TBC1D12: variants seen among roughly 807,000 people sequenced by gnomAD.
The protein encoded by TBC1D12 is TBC1 domain family, member 12.
Under a neutral mutation model 86.7 loss-of-function variants are expected in TBC1D12, and 56 were observed. That is an observed-to-expected ratio of 0.65 (90% CI 0.52 to 0.81). The LOEUF (loss-of-function observed/expected upper bound fraction) is 0.81, where lower values mean the gene tolerates loss of function less well. TBC1D12 is among the 30% of genes least tolerant of loss of function. The pLI is 0.00. For synonymous variants in TBC1D12, 421 were observed against 411.7 expected (o/e 1.02, Z -0.27); for missense variants, 1,023 against 1,038.8 (o/e 0.98, Z 0.21).
At chr10:94,427,678 A>G (rs1236140779) in intron 1 of TBC1D12, among the ~76,000 whole-genome samples, 1 of 151,946 alleles carries the variant, frequency 6.6e-6, no homozygotes, top group East Asian at 1.9e-4. Flanking sequence ...ATAAAAATAC[A>G]AAAATTAGCC....
Position 94,493,309 on chromosome 10 carries a change from A to G in TBC1D12, c.1212-56A>G, listed in dbSNP as rs1192151642. 13 of 1,338,902 alleles carry G rather than the reference A, an allele frequency of 9.7e-6. No individual in the cohort carries two copies. The South Asian group carries it at 1.6e-4, about 17-fold the overall frequency. The allele number at this position is 1,338,902 out of a possible 1,614,324, so 82.9% of individuals were successfully genotyped here. On this transcript the variant is annotated intron_variant, in intron 3 of 12. Transcript: ENST00000225235. ...TGGGTGTAAAAACAAATAAGTTAGT[A>G]AGTTGAAAGTTAATCTTTTAAAAAT...
chr10:94,444,872 C>CA (rs2055435498), intron 2 of TBC1D12, among the ~76,000 whole-genome samples: 2 of 151,220 alleles, frequency 1.3e-5, no homozygotes, highest in Non-Finnish European at 2.9e-5. Context: ...GCTGGGACTA[C>CA]AGGCGCCCGC....
At chr10:94,451,548 CTT>C (rs1341084011) in intron 2 of TBC1D12, among the ~76,000 whole-genome samples, 1 of 152,022 alleles carries the variant, frequency 6.6e-6, no homozygotes, top group Non-Finnish European at 1.5e-5. Flanking sequence ...TGCTGTATCA[CTT>C]TTTACAGTTT....
Position 94,403,535 on chromosome 10 carries a change from GC to G in TBC1D12, c.923del (p.Ala308ValfsTer90). 6.5e-7 allele frequency: 1 copy of G among 1,527,870 alleles called. No homozygotes were observed. Among genetic ancestry groups the G allele is most frequent in the Non-Finnish European group, 8.7e-7 (1 of 1,146,662 alleles). 94.6% of individuals were successfully genotyped at this position (1,527,870 alleles called of 1,614,324 possible). A position where few individuals can be genotyped will look rare whatever the true frequency, so the allele number is the denominator to read the frequency against. On this transcript the variant is annotated frameshift_variant, in exon 1 of 13. Transcript: ENST00000225235. LOFTEE classifies it high-confidence loss of function. ...LPAAEQGPAG[A>X]SARARRSGGF... ...CGCCGCGGAGCAGGGTCCTGCGGGG[GC>G]TTCGGCCCGGGCTCGACGGAGTGGC...
chr10:94,516,902 T>TTTTATTTTGTGTTTTGTG (rs1842007197), intron 9 of TBC1D12, among the ~76,000 whole-genome samples: 1 of 151,928 alleles, frequency 6.6e-6, no homozygotes, highest in Non-Finnish European at 1.5e-5. Flanking sequence ...TTAGGCTAAA[T>TTTTATTTTGTGTTTTGTG]TTTATTTTGT....
chr10:94,465,872 A>ACATACATGTATGTATATACATACATACG (rs2055810429), intron 2 of TBC1D12, among the ~76,000 whole-genome samples: 1 of 151,184 alleles, frequency 6.6e-6, no homozygotes, highest in African/African-American at 2.4e-5. Flanking sequence ...ACATATATAC[A>ACATACATGTATGTATATACATACATACG]CATACATGTA....
intron 4 of TBC1D12, among the ~76,000 whole-genome samples, chr10:94,494,500 C>T (rs1048875944): frequency 3.9e-5 from 6 of 152,004 alleles, no homozygotes; most frequent in African/African-American, 1.2e-4. Flanking sequence ...ATACAGAATT[C>T]GAAATATTTC....
intron 2 of TBC1D12, among the ~76,000 whole-genome samples, chr10:94,455,376 T>C (rs531743581): frequency 6.6e-6 from 1 of 152,158 alleles, no homozygotes; most frequent in Non-Finnish European, 1.5e-5. Context: ...TTGTCTAGTT[T>C]TGGTATTAGA....
In TBC1D12 at chr10:94,474,715, T is replaced by C; in HGVS notation, c.1143T>C (p.Ser381=). 1 of 1,614,138 alleles carries C rather than the reference T, an allele frequency of 6.2e-7. No individual in the cohort carries two copies. The highest frequency in any genetic ancestry group is 8.5e-7 in the Non-Finnish European group (1 of 1,180,018). Residue 381 remains serine (S), a synonymous_variant, in exon 3 of 13, where the codon TCT becomes TCC. Transcript: ENST00000225235. ...TGRTCKPPPQ[S]SRRKNFEFEP... is the part of the protein sequence containing the mutation. ...GGACCTGTAAACCACCACCTCAGTC[T>C]TCAAGACGCAAGAATTTTGAATTTG...
chr10:94,405,574 T>A (rs927483379), intron 1 of TBC1D12, among the ~76,000 whole-genome samples: 2 of 152,058 alleles, frequency 1.3e-5, no homozygotes, highest in Non-Finnish European at 1.5e-5. Context: ...GGCCTTTGGG[T>A]GTTTGTTGGT....
Position 94,403,441 on chromosome 10 carries a change from G to A in TBC1D12, c.828G>A (p.Thr276=), listed in dbSNP as rs2054800341. Residue 276 remains threonine (T), a synonymous_variant, in exon 1 of 13, where the codon ACG becomes ACA. Transcript: ENST00000225235. The part of the protein sequence containing the change: ...FSDIHFNSRN[T]FQVSRGQSAR... ...ACATTCACTTCAACTCTCGCAACAC[G>A]TTCCAGGTGAGCCGCGGTCAGAGCG... The A allele has an allele frequency of 2.6e-6, 4 of 1,547,318 alleles. No homozygotes were observed. The highest frequency in any genetic ancestry group is 3.5e-6 in the Non-Finnish European group (4 of 1,146,646).
At chr10:94,438,013 T>C (rs1457615162) in intron 1 of TBC1D12, among the ~76,000 whole-genome samples, 1 of 147,152 alleles carries the variant, frequency 6.8e-6, no homozygotes, top group Non-Finnish European at 1.5e-5. Flanking sequence ...TTTTTTTTTT[T>C]TTTTTATGAA....
chr10:94,458,816 C>T (rs1243919113), intron 2 of TBC1D12, among the ~76,000 whole-genome samples: 7 of 152,058 alleles, frequency 4.6e-5, no homozygotes, highest in African/African-American at 7.2e-5. Flanking sequence ...TGGAGTTGTT[C>T]GTCCCTCCCC....
At chr10:94,500,783 C>G (rs2056385030) in intron 6 of TBC1D12, among the ~76,000 whole-genome samples, 1 of 151,938 alleles carries the variant, frequency 6.6e-6, no homozygotes, top group Admixed American at 6.6e-5. Flanking sequence ...AGGCCGGGCG[C>G]AGTGGCTCAT....
intron 2 of TBC1D12, among the ~76,000 whole-genome samples, chr10:94,455,321 T>C (rs2055611396): frequency 6.6e-6 from 1 of 152,192 alleles, no homozygotes; most frequent in Non-Finnish European, 1.5e-5. Context: ...TGCATTTATG[T>C]TTATAAGAGA....
chr10:94,476,356 C>T (rs922330176), intron 3 of TBC1D12, among the ~76,000 whole-genome samples: 2 of 152,042 alleles, frequency 1.3e-5, no homozygotes, highest in Non-Finnish European at 2.9e-5. Context: ...CCCAATGCTC[C>T]TCTTTTAGGA....
chr10:94,465,551 C>T (rs1468788280), intron 2 of TBC1D12, among the ~76,000 whole-genome samples: 2 of 151,662 alleles, frequency 1.3e-5, no homozygotes, highest in African/African-American at 4.8e-5. Flanking sequence ...GAGGCTGAGG[C>T]AGGAGAATCG....
At chr10:94,410,683 G>T (rs575151318) in intron 1 of TBC1D12, among the ~76,000 whole-genome samples, 1 of 152,058 alleles carries the variant, frequency 6.6e-6, no homozygotes, top group Admixed American at 6.6e-5. Flanking sequence ...CTGTTCCTAG[G>T]GCTTGAAGCT....
At chr10:94,521,922 G>A (rs994251826) in intron 9 of TBC1D12, 33 bp from the exon 10 acceptor site, 1 of 1,538,288 alleles carries the variant, frequency 6.5e-7, no homozygotes, top group Non-Finnish European at 8.8e-7. Flanking sequence ...ATTATTGTAA[G>A]TCCATTTTGA....
Sources: gnomAD v4.1 joint callset for allele counts (sites outside exome capture counted in the v4.1 genomes callset) on GRCh38, gnomAD v4.1.1 for gene constraint, MANE v1.5 for transcripts, NCBI Gene and HGNC (gene_info 2026-07-23, HGNC 2026-07-21) for gene names.